GIGYF2: variants seen among roughly 807,000 people sequenced by gnomAD.
GIGYF2 encodes GRB10 interacting GYF protein 2, also known as GRB10-interacting GYF protein 2.
Under a neutral mutation model 208.1 loss-of-function variants are expected in GIGYF2, and 25 were observed. The observed-to-expected ratio is 0.12, with a 90% CI of 0.09 to 0.17. The LOEUF (loss-of-function observed/expected upper bound fraction) is 0.17. GIGYF2 is among the 10% of genes least tolerant of loss of function. The probability of loss-of-function intolerance (pLI) is 1.00; values close to 1 mark genes in which losing one functional copy is unlikely to be tolerated. For missense variants in GIGYF2, 1,302 were observed against 1,579.4 expected, an observed-to-expected ratio of 0.82 and a Z score of 2.98; for synonymous variants, 534 against 543.8, an observed-to-expected ratio of 0.98 and a Z score of 0.25.
chr2:232,730,407 C>G (rs1274951162), intron 2 of GIGYF2, among the ~76,000 whole-genome samples: 1 of 147,286 alleles, frequency 6.8e-6, no homozygotes, highest in Non-Finnish European at 1.5e-5. Context: ...GAGTTCGAGA[C>G]CAGCCTGGCC....
intron 14 of GIGYF2, among the ~76,000 whole-genome samples, chr2:232,798,189 C>T (rs1165614183): frequency 6.6e-6 from 1 of 152,124 alleles, no homozygotes; most frequent in Non-Finnish European, 1.5e-5. Context: ...GTTCTATTCA[C>T]TCAGCATAAT....
rs531560937 is a variant in GIGYF2 at position 232,852,531 on chromosome 2, G to A, written c.3832+2122G>A. 1.2e-3 allele frequency among the ~76,000 whole-genome samples: 190 copies of A among 152,230 alleles called. 2 individuals carry two copies. The highest frequency in any genetic ancestry group is 4.5e-3 in the African/African-American group (186 of 41,518). On this transcript the variant is annotated intron_variant, in intron 28 of 28. Transcript: ENST00000373563. ...CCACTGCACTCCAGCCTGTGCGACA[G>A]AGTGAGACTCCGTCTCAAAAAAATA...
chr2:232,805,674 G>T (rs1700541145), intron 14 of GIGYF2, among the ~76,000 whole-genome samples: 1 of 152,080 alleles, frequency 6.6e-6, no homozygotes, highest in African/African-American at 2.4e-5. Context: ...GAAAAAACAG[G>T]GAATTCACGA....
At chr2:232,788,714 T>C in intron 9 of GIGYF2, 1 of 283,862 alleles carries the variant, frequency 3.5e-6, no homozygotes, top group Non-Finnish European at 7.6e-6. Context: ...TATTATCTTC[T>C]TCTCATCTTT....
At position 232,794,865 on chromosome 2, in the gene GIGYF2, C is replaced by T; in HGVS notation, c.1400C>T (p.Thr467Ile). ...AGTCCTACTCTCCGGCCAGTTGAAA[C>T]ACCAGTTGTAGGTGCTCCTGGTATG... Reference protein sequence around the residue: ...NPSPTLRPVETPVVGAPGMGS... With the variant: ...NPSPTLRPVEIPVVGAPGMGS... Residue 467 changes from threonine (T) to isoleucine (I), a missense_variant, in exon 13 of 29, where the codon ACA becomes ATA. By Grantham distance (89) the Thr-to-Ile change is moderately conservative (BLOSUM62 -1). Transcript: ENST00000373563. 6.2e-7 allele frequency: 1 copy of T among 1,613,652 alleles called. No homozygotes were observed. Among genetic ancestry groups the T allele is most frequent in the Non-Finnish European group, 8.5e-7 (1 of 1,179,536 alleles).
rs145476897 is a variant in GIGYF2 at position 232,733,670 on chromosome 2, A to G, written c.-43-1485A>G. 4.6e-5 allele frequency among the ~76,000 whole-genome samples: 7 copies of G among 152,296 alleles called. No individual in the cohort carries two copies. In the East Asian group the frequency reaches 7.7e-4, roughly 17 times the overall value. The stretch of plus-strand genomic sequence containing the variant: ...GGATTCATTCTAGGATGTCCTTCAG[A>G]TGTTAAAATCCTTGGATGCTCAAGT... On this transcript the variant is annotated intron_variant, in intron 2 of 28. Coordinates refer to ENST00000373563, the MANE Select transcript of GIGYF2 (RefSeq NM_001103146.3).
At position 232,747,720 on chromosome 2, in the gene GIGYF2, A is replaced by G; in HGVS notation, c.147A>G (p.Leu49=). 1 of 1,613,878 alleles carries G rather than the reference A, an allele frequency of 6.2e-7. No homozygotes were observed. The stretch of plus-strand genomic sequence containing the variant: ...ATCGTTACGGCAGAGAAGAAATGTT[A>G]GCACTTTTCCTTAAAGACAACAAGG... The part of the protein sequence containing the change: ...ADYRYGREEM[L]ALFLKDNKIP... The change falls in exon 4 of 29, where the codon TTA becomes TTG. Residue 49 remains leucine, a synonymous_variant. Coordinates refer to ENST00000373563, the MANE Select transcript of GIGYF2 (RefSeq NM_001103146.3).
chr2:232,704,108 T>C (rs979181464), intron 2 of GIGYF2, among the ~76,000 whole-genome samples: 1 of 152,142 alleles, frequency 6.6e-6, no homozygotes, highest in African/African-American at 2.4e-5. Context: ...ATCACATTAG[T>C]TATGGACATA....
chr2:232,767,780 C>A, intron 8 of GIGYF2: 1 of 222,818 alleles, frequency 4.5e-6, no homozygotes, highest in Non-Finnish European at 9.0e-6. Flanking sequence ...AGTCGTCATT[C>A]CACCCAGGGA....
chr2:232,779,940 GA>G (rs1253916319), intron 8 of GIGYF2, among the ~76,000 whole-genome samples: 1 of 152,214 alleles, frequency 6.6e-6, no homozygotes, highest in Non-Finnish European at 1.5e-5. Context: ...TTTGGTGTTA[GA>G]TTTTTTTTTG....
At chr2:232,716,723 G>A (rs991402040) in intron 2 of GIGYF2, among the ~76,000 whole-genome samples, 5 of 151,806 alleles carry the variant, frequency 3.3e-5, no homozygotes, top group East Asian at 1.9e-4. Context: ...TTTTCTAATC[G>A]CAAAAATTTA....
At chr2:232,817,090 CTTTCTTTCATCA>C in intron 20 of GIGYF2, 58 bp downstream of exon 20, 1 of 1,276,882 alleles carries the variant, frequency 7.8e-7, no homozygotes, top group East Asian at 2.3e-5. Context: ...TTTCAGGCTG[CTTTCTTTCATCA>C]TTTCACAGAT....
chr2:232,834,399 C>T (rs1701517465), intron 22 of GIGYF2, among the ~76,000 whole-genome samples: 3 of 152,038 alleles, frequency 2.0e-5, no homozygotes, highest in African/African-American at 7.2e-5. Flanking sequence ...TTAAACAAAC[C>T]CATGCTCTCT....
intron 8 of GIGYF2, among the ~76,000 whole-genome samples, chr2:232,761,964 A>G (rs1457166165): frequency 6.6e-6 from 1 of 151,434 alleles, no homozygotes; most frequent in African/African-American, 2.4e-5. Context: ...ATTGTTTATG[A>G]TGAATTAATC....
intron 2 of GIGYF2, chr2:232,724,479 G>A (rs1299894321): frequency 1.3e-5 from 2 of 151,994 alleles, no homozygotes; most frequent in African/African-American, 4.8e-5. Flanking sequence ...GCATTCTTCA[G>A]ATCATCAATA....
At chr2:232,781,086 T>TCTC (rs1000913498) in intron 8 of GIGYF2, among the ~76,000 whole-genome samples, 8 of 152,040 alleles carry the variant, frequency 5.3e-5, no homozygotes, top group African/African-American at 1.9e-4. Flanking sequence ...GCCTCCTGAG[T>TCTC]AGCTGGGACT....
chr2:232,712,013 A>C (rs1302266079), intron 2 of GIGYF2, among the ~76,000 whole-genome samples: 3 of 152,130 alleles, frequency 2.0e-5, no homozygotes, highest in Admixed American at 1.3e-4. Flanking sequence ...CTTTCATTGA[A>C]ATCAGCACTT....
intron 21 of GIGYF2, among the ~76,000 whole-genome samples, chr2:232,822,015 C>G (rs1242041876): frequency 6.6e-6 from 1 of 150,806 alleles, no homozygotes; most frequent in African/African-American, 2.4e-5. Context: ...TGAGTACACA[C>G]TGATTTGATT....
At chr2:232,851,163 A>T (rs73997575) in intron 28 of GIGYF2, among the ~76,000 whole-genome samples, 2,283 of 152,262 alleles carry the variant, frequency 0.015, 71 homozygotes, top group African/African-American at 0.052. Context: ...TCTAAAAAAA[A>T]TTTTAAAAAC....
Sources: gnomAD v4.1 joint callset for allele counts (sites outside exome capture counted in the v4.1 genomes callset) on GRCh38, gnomAD v4.1.1 for gene constraint, MANE v1.5 for transcripts, NCBI Gene and HGNC (gene_info 2026-07-23, HGNC 2026-07-21) for gene names.